The following CUBN variants were observed in gnomAD, a reference collection of about 807,000 sequenced individuals.
The protein encoded by CUBN is cubilin, also known as 460 kDa receptor.
In CUBN, 282 loss-of-function variants were observed where a neutral mutation model predicts 405.3. The ratio of observed to expected loss-of-function variants is 0.70; its 90% CI spans 0.63 to 0.77. CUBN has a LOEUF of 0.77. CUBN is among the 30% of genes least tolerant of loss of function. CUBN has a pLI of 0.00. For synonymous variants in CUBN, 1,684 were observed against 1,617.0 expected (o/e 1.04, Z -0.99); for missense variants, 4,514 against 4,475.2 (o/e 1.01, Z -0.25).
At chr10:17,031,373 T>C (rs1834783734) in intron 27 of CUBN, among the ~76,000 whole-genome samples, 1 of 152,190 alleles carries the variant, frequency 6.6e-6, no homozygotes, top group East Asian at 1.9e-4. Context: ...CCAGACCTTG[T>C]TTTGGCTCTT....
intron 11 of CUBN, 21 bp from the exon 12 acceptor site, chr10:17,104,626 T>C: frequency 6.3e-7 from 1 of 1,595,110 alleles, no homozygotes; most frequent in Non-Finnish European, 8.6e-7. Flanking sequence ...AAAAAACACA[T>C]AATACCATAA....
At chr10:16,943,911 A>G (rs1424016607) in intron 36 of CUBN, among the ~76,000 whole-genome samples, 1 of 152,206 alleles carries the variant, frequency 6.6e-6, no homozygotes, top group East Asian at 1.9e-4. Flanking sequence ...AAATACCTAG[A>G]AGGATTAAAT....
At chr10:17,129,278 C>A (rs1166711754) in intron 1 of CUBN, 28 bp from the exon 2 acceptor site, 2 of 1,609,896 alleles carry the variant, frequency 1.2e-6, no homozygotes, top group African/African-American at 1.3e-5. Context: ...GAGAATGCAT[C>A]AGTAATTAGC....
At chr10:16,842,222 T>A (rs1045578559) in intron 60 of CUBN, among the ~76,000 whole-genome samples, 2 of 151,870 alleles carry the variant, frequency 1.3e-5, no homozygotes, top group Non-Finnish European at 2.9e-5. Context: ...TTAAAAAAAA[T>A]TTTTAGAGAT....
chr10:16,862,193 C>CAT (rs1554783688), intron 59 of CUBN, among the ~76,000 whole-genome samples: 3 of 151,036 alleles, frequency 2.0e-5, no homozygotes, highest in Non-Finnish European at 4.4e-5. Context: ...CACACACACA[C>CAT]ATCACATCCC....
At chr10:17,070,872 GCT>G (rs1835724235) in intron 19 of CUBN, among the ~76,000 whole-genome samples, 1 of 152,140 alleles carries the variant, frequency 6.6e-6, no homozygotes, top group African/African-American at 2.4e-5. Context: ...TTACTTAATT[GCT>G]CTAGCTAGAA....
At chr10:17,082,131 T>G (rs2131860766) in intron 17 of CUBN, among the ~76,000 whole-genome samples, 1 of 152,298 alleles carries the variant, frequency 6.6e-6, no homozygotes, top group African/African-American at 2.4e-5. Context: ...CAGAAAAACC[T>G]TGCATTTGCA....
chr10:16,852,943 C>T (rs776007849), intron 59 of CUBN, among the ~76,000 whole-genome samples: 1 of 151,950 alleles, frequency 6.6e-6, no homozygotes, highest in Non-Finnish European at 1.5e-5. Flanking sequence ...TTTTTCTTTT[C>T]CAAAACATGA....
chr10:16,911,591 G>C (rs1841736579), intron 48 of CUBN, among the ~76,000 whole-genome samples: 3 of 152,154 alleles, frequency 2.0e-5, no homozygotes, highest in Admixed American at 2.0e-4. Context: ...TGGAATTTGT[G>C]GTTGTGACTG....
In CUBN at chr10:16,869,672, C is replaced by T. The variant is rs148491916; in HGVS notation, c.9418G>A (p.Ala3140Thr). 1.7e-4 allele frequency: 282 copies of T among 1,613,902 alleles called. 2 individuals carry two copies. The Middle Eastern group carries it at 4.5e-3, about 26-fold the overall frequency. The change falls in exon 59 of 67, where the codon GCA becomes ACA. Residue 3140 changes from alanine to threonine, a missense_variant. By Grantham distance (58) the Ala-to-Thr change is moderately conservative. This residue lies in a region of CUBN where 1,186 missense variants were observed against 1,186.9 expected (regional missense o/e 1.00). Coordinates refer to ENST00000377833, the MANE Select transcript of CUBN (RefSeq NM_001081.4). ...CGGAAAGACATCTTCCAGCCTTTTGCTGTCTGAAATGAATCTGTCTTGAAC... is the reference window on the plus strand; with the variant it reads ...CGGAAAGACATCTTCCAGCCTTTTGTTGTCTGAAATGAATCTGTCTTGAAC... Reference protein sequence around the residue: ...LVFKTDSFQTAKGWKMSFRQT... With the variant: ...LVFKTDSFQTTKGWKMSFRQT...
In CUBN at chr10:16,830,061, G is replaced by A. The variant is rs372426560; in HGVS notation, c.10529-1021C>T. ...AGTGATTCTCCAGTCTCAGCCTCCC[G>A]AGTAGCTGGGATTACAGGCATGTGC... On this transcript the variant is annotated intron_variant, in intron 65 of 66. Transcript: ENST00000377833. Among the ~76,000 whole-genome samples the A allele has an allele frequency of 7.2e-5, 11 of 151,864 alleles. No homozygotes were observed. In the East Asian group the frequency reaches 1.2e-3, roughly 16 times the overall value.
intron 23 of CUBN, among the ~76,000 whole-genome samples, chr10:17,047,057 C>G (rs1042500114): frequency 2.6e-5 from 4 of 152,096 alleles, no homozygotes; most frequent in Admixed American, 6.6e-5. Context: ...ATTAAATGAA[C>G]AGCAAACAGC....
chr10:16,979,664 T>C (rs549049039), intron 31 of CUBN, among the ~76,000 whole-genome samples: 2 of 152,290 alleles, frequency 1.3e-5, no homozygotes, highest in East Asian at 3.9e-4. Flanking sequence ...ATTGGACCCC[T>C]TCCTTACACC....
chr10:16,915,074 T>G lies in CUBN; in HGVS notation c.7309A>C (p.Thr2437Pro). 1 of 1,614,092 alleles carries G rather than the reference T, an allele frequency of 6.2e-7. No individual in the cohort carries two copies. Among genetic ancestry groups the G allele is most frequent in the South Asian group, 1.1e-5 (1 of 91,078 alleles). ...AATCGCAGTCTGAATCCTGAGGCAG[T>G]CACAGAGCCGTCTGTGACAAACCTG... ...VVRFVTDGSV[T>P]ASGFRLRFES... The change falls in exon 47 of 67, where the codon ACT becomes CCT. Residue 2437 changes from threonine to proline, a missense_variant. By Grantham distance (38) the Thr-to-Pro change is conservative (BLOSUM62 -1). Around this residue, in one of 5 missense-constraint regions of CUBN, gnomAD observed 1,613 missense variants for 1,542.8 expected, o/e 1.05. Transcript: ENST00000377833.
chr10:16,953,015 T>C (rs1392567798), intron 32 of CUBN, among the ~76,000 whole-genome samples: 1 of 152,192 alleles, frequency 6.6e-6, no homozygotes, highest in Non-Finnish European at 1.5e-5. Context: ...TGTGGGTGAC[T>C]GACGCTGGAG....
chr10:17,086,196 C>A (rs995789470), intron 15 of CUBN, among the ~76,000 whole-genome samples: 5 of 152,098 alleles, frequency 3.3e-5, no homozygotes, highest in Admixed American at 2.0e-4. Flanking sequence ...AATCTCTTGA[C>A]CTCATGATCT....
chr10:17,101,944 G>A (rs1433200220), intron 13 of CUBN, among the ~76,000 whole-genome samples: 1 of 152,178 alleles, frequency 6.6e-6, no homozygotes, highest in Non-Finnish European at 1.5e-5. Flanking sequence ...GAACATGGCA[G>A]AGCAAAGACA....
chr10:17,128,805 G>C (rs940572146), intron 2 of CUBN, among the ~76,000 whole-genome samples: 1 of 152,184 alleles, frequency 6.6e-6, no homozygotes, highest in Non-Finnish European at 1.5e-5. Context: ...TATATAGTTA[G>C]ATAGAAGAAA....
At chr10:16,838,576 C>T (rs2131316153) in intron 62 of CUBN, among the ~76,000 whole-genome samples, 1 of 152,330 alleles carries the variant, frequency 6.6e-6, no homozygotes, top group Non-Finnish European at 1.5e-5. Flanking sequence ...ACTTTGTGTC[C>T]AACTGTCTCC....
Sources: gnomAD v4.1 joint callset for allele counts (sites outside exome capture counted in the v4.1 genomes callset) on GRCh38, gnomAD v4.1.1 for gene constraint, gnomAD v4.1.1 regional missense constraint, MANE v1.5 for transcripts, NCBI Gene and HGNC (gene_info 2026-07-23, HGNC 2026-07-21) for gene names.